LINGO2: variants seen among roughly 807,000 people sequenced by gnomAD.
The protein encoded by LINGO2 is leucine-rich repeat and immunoglobulin-like domain-containing nogo receptor-interacting protein 2.
In LINGO2, 14 loss-of-function variants were observed where a neutral mutation model predicts 30.6. The ratio of observed to expected loss-of-function variants is 0.46; its 90% CI spans 0.30 to 0.72. The LOEUF is 0.72. LINGO2 is among the 30% of genes least tolerant of loss of function. The pLI, the probability that LINGO2 is intolerant of heterozygous loss-of-function variation, is 0.07. For synonymous variants in LINGO2, 317 were observed against 288.5 expected (o/e 1.10, Z -1.00); for missense variants, 729 against 751.7 (o/e 0.97, Z 0.35).
chr9:28,937,105 A>G, the LINGO2 span, among the ~76,000 whole-genome samples: 16 of 152,280 alleles, frequency 1.1e-4, no homozygotes, highest in East Asian at 3.1e-3. Flanking sequence ...ACATTGGGGC[A>G]CTAGACCTTC....
At chr9:28,401,090 A>G (rs947276440) in intron 2 of LINGO2, among the ~76,000 whole-genome samples, 1 of 152,192 alleles carries the variant, frequency 6.6e-6, no homozygotes, top group Non-Finnish European at 1.5e-5. Flanking sequence ...ACAAAATATA[A>G]TGTTATATTT....
At chr9:28,215,705 C>G (rs1335341762) in intron 4 of LINGO2, among the ~76,000 whole-genome samples, 1 of 151,622 alleles carries the variant, frequency 6.6e-6, no homozygotes, top group Non-Finnish European at 1.5e-5. Flanking sequence ...ACTATATCAA[C>G]ATGGTTATGG....
chr9:28,704,517 C>T, the LINGO2 span, among the ~76,000 whole-genome samples: 188 of 151,972 alleles, frequency 1.2e-3, 1 homozygote, highest in African/African-American at 4.4e-3. Context: ...AAGATTTCTT[C>T]TCCTTCTGTC....
chr9:28,430,006 T>C (rs552666576), intron 2 of LINGO2, among the ~76,000 whole-genome samples: 1 of 152,294 alleles, frequency 6.6e-6, no homozygotes, highest in East Asian at 1.9e-4. Context: ...TTGAATTAGA[T>C]ATGTGTGTGT....
rs188155874 is a variant in LINGO2 at position 28,212,422 on chromosome 9, A to G, written c.-87+82786T>C. Among the ~76,000 whole-genome samples the G allele has an allele frequency of 2.6e-3, 395 of 151,582 alleles. 4 individuals carry two copies. The highest frequency in any genetic ancestry group is 9.1e-3 in the African/African-American group (376 of 41,510). On this transcript the variant is annotated intron_variant, in intron 4 of 5. Transcript: ENST00000379992. ...TCTAAAGCCTAGACTCTCAACTGCT[A>G]TCTGCTATGGCCTCCTACATGTTCC...
At chr9:28,930,613 T>G in the LINGO2 span, among the ~76,000 whole-genome samples, 1 of 152,282 alleles carries the variant, frequency 6.6e-6, no homozygotes, top group South Asian at 2.1e-4. The surrounding 1 kb of genome is among the most constrained non-coding windows in gnomAD (Gnocchi z 4.2). Flanking sequence ...AGAAGTATCT[T>G]TTATCTTTGT....
At chr9:29,008,688 C>A in the LINGO2 span, among the ~76,000 whole-genome samples, 20 of 152,254 alleles carry the variant, frequency 1.3e-4, no homozygotes, top group African/African-American at 4.1e-4. Context: ...CGATGATGAG[C>A]ATTTTTTCAT....
the LINGO2 span, among the ~76,000 whole-genome samples, chr9:28,932,431 T>C: frequency 6.6e-6 from 1 of 152,212 alleles, no homozygotes; most frequent in Non-Finnish European, 1.5e-5. Context: ...ACTATCCACA[T>C]CTTTCAGTCC....
the LINGO2 span, among the ~76,000 whole-genome samples, chr9:28,730,645 A>C: frequency 6.6e-6 from 1 of 152,160 alleles, no homozygotes; most frequent in Non-Finnish European, 1.5e-5. Flanking sequence ...AAATACATGA[A>C]CAGACATAGA....
At chr9:28,502,717 T>C (rs1487135797) in intron 1 of LINGO2, among the ~76,000 whole-genome samples, 1 of 152,124 alleles carries the variant, frequency 6.6e-6, no homozygotes, top group East Asian at 1.9e-4. Context: ...AAAAGAATAA[T>C]GCCACTCAGC....
intron 5 of LINGO2, among the ~76,000 whole-genome samples, chr9:27,994,121 A>C (rs1163975796): frequency 6.6e-6 from 1 of 152,074 alleles, no homozygotes; most frequent in African/African-American, 2.4e-5. Context: ...TGGAAACAAC[A>C]TACTAAAACC....
rs140277136 is a variant in LINGO2 at position 28,029,459 on chromosome 9, C to A, written c.-86-17054G>T. Among the ~76,000 whole-genome samples the A allele has an allele frequency of 2.0e-5, 3 of 152,286 alleles. No individual in the cohort carries two copies. In the East Asian group the frequency reaches 5.8e-4, roughly 29 times the overall value. On this transcript the variant is annotated intron_variant, in intron 4 of 5. Coordinates refer to ENST00000379992, the Ensembl canonical transcript of LINGO2. Reference sequence around the variant, plus strand: ...GAACGAAGATGCAAGGCTTGTTGATCTGTTTGGCAAGAGAGATAGTTAAGC... The same window carrying A: ...GAACGAAGATGCAAGGCTTGTTGATATGTTTGGCAAGAGAGATAGTTAAGC...
the LINGO2 span, among the ~76,000 whole-genome samples, chr9:28,825,996 T>G: frequency 6.6e-6 from 1 of 152,204 alleles, no homozygotes; most frequent in African/African-American, 2.4e-5. Context: ...TAATGTTATT[T>G]TGCATAATGC....
At chr9:28,014,253 C>T (rs1245754221) in intron 4 of LINGO2, among the ~76,000 whole-genome samples, 3 of 152,032 alleles carry the variant, frequency 2.0e-5, no homozygotes, top group Non-Finnish European at 4.4e-5. Flanking sequence ...AGAACACTTA[C>T]CAAAGGGGAA....
At chr9:28,132,696 C>T (rs979953833) in intron 4 of LINGO2, among the ~76,000 whole-genome samples, 5 of 152,210 alleles carry the variant, frequency 3.3e-5, no homozygotes, top group Non-Finnish European at 7.3e-5. Context: ...ACTACAGCTG[C>T]TTCTGGTTTT....
the LINGO2 span, among the ~76,000 whole-genome samples, chr9:29,035,408 G>C: frequency 6.6e-6 from 1 of 151,780 alleles, no homozygotes; most frequent in Admixed American, 6.6e-5. Context: ...GGATACATTA[G>C]CCTATTAAGA....
At chr9:28,988,412 T>C in the LINGO2 span, among the ~76,000 whole-genome samples, 1 of 152,176 alleles carries the variant, frequency 6.6e-6, no homozygotes, top group Non-Finnish European at 1.5e-5. Flanking sequence ...TTTCAGTCTA[T>C]GTGTGTCCCT....
At chr9:28,156,758 G>T (rs202122598) in intron 4 of LINGO2, among the ~76,000 whole-genome samples, 1 of 152,240 alleles carries the variant, frequency 6.6e-6, no homozygotes, top group Admixed American at 6.5e-5. Flanking sequence ...CATTCTAAAT[G>T]GGAGAAATTG....
At chr9:28,752,179 T>C in the LINGO2 span, among the ~76,000 whole-genome samples, 1 of 151,988 alleles carries the variant, frequency 6.6e-6, no homozygotes, top group East Asian at 1.9e-4. Flanking sequence ...CTGGAAACAT[T>C]GTGTAAGTAT....
Sources: allele counts gnomAD v4.1 joint callset (sites outside exome capture counted in the v4.1 genomes callset), GRCh38; gene constraint gnomAD v4.1.1; non-coding constraint Gnocchi (gnomAD v3.1); transcripts MANE v1.5; gene names NCBI Gene and HGNC (gene_info 2026-07-23, HGNC 2026-07-21).